ARAP2: variants seen among roughly 807,000 people sequenced by gnomAD.
ARAP2 encodes the protein arf-GAP with Rho-GAP domain, ANK repeat and PH domain-containing protein 2.
Under a neutral mutation model 194.5 loss-of-function variants are expected in ARAP2, and 148 were observed. That is an observed-to-expected ratio of 0.76 (90% CI 0.67 to 0.87). ARAP2 has a LOEUF of 0.87. Ranked by LOEUF, ARAP2 falls within the 40% of genes least tolerant of loss-of-function variation. ARAP2 has a pLI of 0.00. For synonymous variants in ARAP2, 695 were observed against 683.5 expected (o/e 1.02, Z -0.26); for missense variants, 2,128 against 1,989.7 (o/e 1.07, Z -1.32).
chr4:36,092,090 T>G, intron 27 of ARAP2, 70 bp from the exon 28 acceptor site: 2 of 1,423,152 alleles, frequency 1.4e-6, no homozygotes, highest in Non-Finnish European at 1.9e-6. Context: ...TACAAAACAT[T>G]TCTATATTGT....
chr4:36,240,653 G>T (rs1191313106), intron 1 of ARAP2, among the ~76,000 whole-genome samples: 2 of 152,168 alleles, frequency 1.3e-5, no homozygotes, highest in Non-Finnish European at 1.5e-5. Context: ...TTAGAACAGT[G>T]CCTGGTAAGC....
chr4:36,044,637 T>A (rs1352744678), intron 5 of ARAP2, among the ~76,000 whole-genome samples: 3 of 152,028 alleles, frequency 2.0e-5, no homozygotes, highest in Non-Finnish European at 4.4e-5. Context: ...GTCTGGGCAA[T>A]GATTTCTTGG....
rs1195929580 is a variant in ARAP2, at chr4:36,148,416, C to G, written c.2989G>C (p.Ala997Pro). The part of the protein sequence containing the change: ...TSQAQRKWTE[A>P]IAKHFVPLFA... ...TAATATTTAAATACCTTGGCTATTG[C>G]CTCTGTCCATTTTCTTTGAGCTTGA... The change falls in exon 17 of 33, where the codon GCA becomes CCA. Residue 997 changes from alanine to proline, a missense_variant. Coordinates refer to ENST00000303965, the MANE Select transcript of ARAP2 (RefSeq NM_015230.4). 2 of 1,612,114 alleles carry G rather than the reference C, an allele frequency of 1.2e-6. No individual in the cohort carries two copies. The highest frequency in any genetic ancestry group is 1.7e-5 in the Admixed American group (1 of 59,914).
chr4:36,183,955 T>G (rs889819879), intron 8 of ARAP2, among the ~76,000 whole-genome samples: 1 of 152,132 alleles, frequency 6.6e-6, no homozygotes, highest in African/African-American at 2.4e-5. Flanking sequence ...AGTAAAGAAT[T>G]CATGTCTGTT....
chr4:36,025,596 C>T (rs896735820), intron 5 of ARAP2, among the ~76,000 whole-genome samples: 8 of 151,332 alleles, frequency 5.3e-5, no homozygotes, highest in African/African-American at 9.7e-5. Context: ...AATTTTTGGA[C>T]GAATTTGAGA....
chr4:36,210,171 G>A (rs1019907031), intron 6 of ARAP2, among the ~76,000 whole-genome samples: 1 of 152,018 alleles, frequency 6.6e-6, no homozygotes, highest in African/African-American at 2.4e-5. Context: ...TTTAATTTGC[G>A]ACTCTGGACC....
intron 1 of ARAP2, among the ~76,000 whole-genome samples, chr4:36,060,768 G>A (rs184746463): frequency 3.1e-3 from 475 of 152,144 alleles, no homozygotes; most frequent in Middle Eastern, 6.8e-3. Context: ...GTTTCCTCAC[G>A]TGGCCTTTCC....
At chr4:36,203,161 G>A (rs1266365740) in intron 6 of ARAP2, among the ~76,000 whole-genome samples, 1 of 152,152 alleles carries the variant, frequency 6.6e-6, no homozygotes, top group Non-Finnish European at 1.5e-5. Context: ...TTATTCAATG[G>A]AGAGAATAAA....
At chr4:36,032,368 G>A (rs906625380) in intron 5 of ARAP2, among the ~76,000 whole-genome samples, 3 of 152,144 alleles carry the variant, frequency 2.0e-5, no homozygotes, top group Non-Finnish European at 2.9e-5. Flanking sequence ...ATGAGGGAGT[G>A]TTTGTCAAAG....
chr4:36,010,612 G>T (rs989268366), intron 9 of ARAP2, among the ~76,000 whole-genome samples: 3 of 152,084 alleles, frequency 2.0e-5, no homozygotes, highest in Non-Finnish European at 2.9e-5. Flanking sequence ...TTGCCATCCT[G>T]CTGCTCCCTC....
intron 1 of ARAP2, chr4:36,243,536 A>G (rs865790888): frequency 2.6e-5 from 4 of 152,136 alleles, no homozygotes; most frequent in African/African-American, 7.2e-5. Flanking sequence ...CCCCAAATCA[A>G]AATAACTCCA....
intron 28 of ARAP2, among the ~76,000 whole-genome samples, chr4:36,087,989 A>G (rs1712379984): frequency 6.6e-6 from 1 of 152,116 alleles, no homozygotes; most frequent in African/African-American, 2.4e-5. Context: ...GGGTAACTGT[A>G]TAGATAAAAT....
At chr4:36,216,057 G>A (rs1747865848) in intron 2 of ARAP2, among the ~76,000 whole-genome samples, 1 of 148,312 alleles carries the variant, frequency 6.7e-6, no homozygotes, top group South Asian at 2.1e-4. Context: ...ACCAGCTTGG[G>A]CAACATAATG....
rs528247909 is a variant in ARAP2, at chr4:36,073,691, C to T, written c.4741G>A (p.Glu1581Lys). ...GNATLARKNI[E>K]SARAELERLR... ...AAACAAACAAAATCCTAACCTACCT[C>T]AATATTTTTCCGGGCCAAGGTTGCA... The change falls in exon 32 of 33, where the codon GAG becomes AAG. Residue 1581 changes from glutamate (E) to lysine (K), a missense_variant and splice_region_variant. By Grantham distance (56) the Glu-to-Lys change is moderately conservative. Transcript: ENST00000303965. 16 of 1,611,096 alleles carry T rather than the reference C, an allele frequency of 9.9e-6. No individual in the cohort carries two copies. The highest frequency in any genetic ancestry group is 1.3e-5 in the African/African-American group (1 of 74,794).
intron 6 of ARAP2, among the ~76,000 whole-genome samples, chr4:36,196,956 C>T (rs1743245078): frequency 6.6e-6 from 1 of 151,622 alleles, no homozygotes; most frequent in African/African-American, 2.4e-5. Flanking sequence ...CACCAAGTGA[C>T]CATTCCTGAC....
chr4:36,051,691 G>C (rs548116307), intron 3 of ARAP2, among the ~76,000 whole-genome samples: 7 of 152,090 alleles, frequency 4.6e-5, no homozygotes, highest in African/African-American at 1.4e-4. Flanking sequence ...TACTCTTTTA[G>C]AAGTGTTTTA....
intron 6 of ARAP2, among the ~76,000 whole-genome samples, chr4:36,207,103 CTCTTT>C (rs1268283306): frequency 2.0e-5 from 3 of 152,218 alleles, no homozygotes. Flanking sequence ...CAACCATGTT[CTCTTT>C]TCTTTACAAC....
rs547961296 is a variant in ARAP2, at chr4:36,039,435, T to C, written n.607+6544A>G. The stretch of plus-strand genomic sequence containing the variant: ...GCCTGTGTAATTGGCATGTTCCTGC[T>C]TAAGCCTTCCTTTTCAAATTGGACC... On this transcript the variant is annotated intron_variant and non_coding_transcript_variant, in intron 5 of 12. Transcript: ENST00000503225. Among the ~76,000 whole-genome samples, 7 of 152,338 alleles carry C rather than the reference T, an allele frequency of 4.6e-5. No individual in the cohort carries two copies. The East Asian group carries it at 1.3e-3, about 29-fold the overall frequency.
At chr4:36,240,891 T>G (rs1753381032) in intron 1 of ARAP2, among the ~76,000 whole-genome samples, 1 of 152,220 alleles carries the variant, frequency 6.6e-6, no homozygotes, top group African/African-American at 2.4e-5. Flanking sequence ...ATTCCTTTAC[T>G]TAGTATAAGA....
Sources: allele counts gnomAD v4.1 joint callset (sites outside exome capture counted in the v4.1 genomes callset), GRCh38; gene constraint gnomAD v4.1.1; transcripts MANE v1.5; gene names NCBI Gene and HGNC (gene_info 2026-07-23, HGNC 2026-07-21).